ADGRL3: variants seen among roughly 807,000 people sequenced by gnomAD.
ADGRL3 encodes the protein calcium-independent alpha-latrotoxin receptor 3.
In ADGRL3, 62 loss-of-function variants were observed where a neutral mutation model predicts 153.5. That is an observed-to-expected ratio of 0.40 (90% CI 0.33 to 0.50). The LOEUF (loss-of-function observed/expected upper bound fraction) is 0.50. Ranked by LOEUF, ADGRL3 falls within the 20% of genes least tolerant of loss-of-function variation. The pLI is 0.47. For missense variants in ADGRL3, 1,641 were observed against 1,859.4 expected, an observed-to-expected ratio of 0.88 and a Z score of 2.16; for synonymous variants, 710 against 672.5, an observed-to-expected ratio of 1.06 and a Z score of -0.86.
chr4:61,744,751 C>A (rs2096631703), intron 8 of ADGRL3, among the ~76,000 whole-genome samples: 1 of 152,016 alleles, frequency 6.6e-6, no homozygotes, highest in Admixed American at 6.6e-5. Flanking sequence ...TAGATAAAAC[C>A]ACAAAGATGG....
chr4:61,804,954 TA>T (rs1561280480), intron 8 of ADGRL3, among the ~76,000 whole-genome samples: 27 of 146,762 alleles, frequency 1.8e-4, no homozygotes, highest in African/African-American at 6.9e-4. Context: ...TATTTATTTT[TA>T]TTTATTTATT....
At chr4:61,203,901 T>C (rs1343010669) in intron 1 of ADGRL3, among the ~76,000 whole-genome samples, 3 of 97,954 alleles carry the variant, frequency 3.1e-5, no homozygotes, top group African/African-American at 1.2e-4. Context: ...TCTCTCAGCT[T>C]TGTTTCACCC....
chr4:61,666,171 T>A (rs2094787311), intron 5 of ADGRL3, among the ~76,000 whole-genome samples: 2 of 152,172 alleles, frequency 1.3e-5, no homozygotes, highest in South Asian at 4.1e-4. Context: ...CAGTTATTCC[T>A]TTGCTTTTGT....
intron 4 of ADGRL3, among the ~76,000 whole-genome samples, chr4:61,533,943 A>T (rs184670469): frequency 2.6e-5 from 4 of 152,126 alleles, no homozygotes. Flanking sequence ...GGTTTGTTAT[A>T]TGGGTATATT....
At chr4:61,336,583 G>A (rs1225311622) in intron 1 of ADGRL3, among the ~76,000 whole-genome samples, 1 of 152,070 alleles carries the variant, frequency 6.6e-6, no homozygotes, top group East Asian at 1.9e-4. Flanking sequence ...CAGCGTGTGA[G>A]GGGTAGGGTG....
intron 17 of ADGRL3, among the ~76,000 whole-genome samples, chr4:61,971,106 A>C (rs1180021232): frequency 1.3e-5 from 2 of 151,984 alleles, no homozygotes; most frequent in South Asian, 4.1e-4. Flanking sequence ...AGAATACAAT[A>C]TGTTGAAGAG....
chr4:61,705,803 C>A (rs903809117), intron 6 of ADGRL3, among the ~76,000 whole-genome samples: 1 of 152,072 alleles, frequency 6.6e-6, no homozygotes, highest in Non-Finnish European at 1.5e-5. Context: ...TGCGCCCAGT[C>A]GAGTGGTAAT....
At chr4:61,814,529 C>A (rs2097666335) in intron 9 of ADGRL3, among the ~76,000 whole-genome samples, 1 of 152,082 alleles carries the variant, frequency 6.6e-6, no homozygotes, top group Admixed American at 6.5e-5. Context: ...GTTTCTTGTT[C>A]TCACAGCTGA....
chr4:61,911,783 G>C (rs949210432), intron 12 of ADGRL3, among the ~76,000 whole-genome samples: 1 of 151,874 alleles, frequency 6.6e-6, no homozygotes. Context: ...AGGCATCTGG[G>C]TAACTGCTTC....
intron 18 of ADGRL3, among the ~76,000 whole-genome samples, chr4:61,980,915 C>T (rs1418718422): frequency 6.6e-6 from 1 of 152,068 alleles, no homozygotes; most frequent in Admixed American, 6.6e-5. Flanking sequence ...GTGCTTTTGT[C>T]AATTATGAAG....
intron 1 of ADGRL3, among the ~76,000 whole-genome samples, chr4:61,336,893 G>A (rs1578324134): frequency 6.7e-6 from 1 of 150,064 alleles, no homozygotes; most frequent in Admixed American, 6.6e-5. Flanking sequence ...TTGAAGAAGG[G>A]ATTTTCTTAA....
chr4:61,290,583 G>A (rs2094136440), intron 1 of ADGRL3, among the ~76,000 whole-genome samples: 1 of 151,772 alleles, frequency 6.6e-6, no homozygotes, highest in African/African-American at 2.4e-5. Flanking sequence ...GGTTGAGGCT[G>A]CAGTAAGCTA....
At chr4:61,558,173 C>CATATATATATAT (rs33947698) in intron 4 of ADGRL3, among the ~76,000 whole-genome samples, 1,295 of 128,934 alleles carry the variant, frequency 0.01, 9 homozygotes, top group Non-Finnish European at 0.012. Flanking sequence ...ATGTAGGAAT[C>CATATATATATAT]ATATATATAT....
intron 1 of ADGRL3, among the ~76,000 whole-genome samples, chr4:61,348,172 G>A (rs2095963216): frequency 6.6e-6 from 1 of 151,946 alleles, no homozygotes; most frequent in South Asian, 2.1e-4. Context: ...CAAACCCAGA[G>A]ACAGACGCTC....
At chr4:61,463,238 A>G (rs1455792641) in intron 2 of ADGRL3, among the ~76,000 whole-genome samples, 2 of 152,158 alleles carry the variant, frequency 1.3e-5, no homozygotes, top group East Asian at 3.9e-4. Flanking sequence ...GTTCTCACAT[A>G]GGTATAAAAA....
intron 17 of ADGRL3, among the ~76,000 whole-genome samples, chr4:61,964,509 C>G (rs2098999062): frequency 6.6e-6 from 1 of 151,680 alleles, no homozygotes; most frequent in South Asian, 2.1e-4. Context: ...GTGACAGACT[C>G]TTTTTTTTCA....
intron 9 of ADGRL3, among the ~76,000 whole-genome samples, chr4:61,877,775 C>G (rs373481056): frequency 6.6e-6 from 1 of 152,094 alleles, no homozygotes; most frequent in East Asian, 1.9e-4. Context: ...CTCTGTGTCA[C>G]CACCCAAATC....
At chr4:61,897,236 T>C (rs1213086876) in intron 11 of ADGRL3, among the ~76,000 whole-genome samples, 3 of 152,222 alleles carry the variant, frequency 2.0e-5, no homozygotes, top group Non-Finnish European at 4.4e-5. Flanking sequence ...GTAGAGTCTG[T>C]AAAACTATGT....
At chr4:61,508,272 A>G (rs1233921522) in intron 3 of ADGRL3, among the ~76,000 whole-genome samples, 2 of 152,324 alleles carry the variant, frequency 1.3e-5, no homozygotes, top group Admixed American at 1.3e-4. Context: ...TTATTGATAG[A>G]ATATATAAAG....
Sources: allele counts gnomAD v4.1 joint callset (sites outside exome capture counted in the v4.1 genomes callset), GRCh38; gene constraint gnomAD v4.1.1; transcripts MANE v1.5; gene names NCBI Gene and HGNC (gene_info 2026-07-23, HGNC 2026-07-21).